The following RBFOX1 variants were observed in gnomAD, a reference collection of about 807,000 sequenced individuals.
RBFOX1 encodes RNA binding protein fox-1 homolog 1.
Under a neutral mutation model 57.7 loss-of-function variants are expected in RBFOX1, and 8 were observed. That is an observed-to-expected ratio of 0.14 (90% CI 0.08 to 0.25). The LOEUF (loss-of-function observed/expected upper bound fraction) is 0.25. Ranked by LOEUF, RBFOX1 falls within the 10% of genes least tolerant of loss-of-function variation. RBFOX1 has a pLI of 1.00. For synonymous variants in RBFOX1, 326 were observed against 222.4 expected (o/e 1.47, Z -4.15); for missense variants, 611 against 548.5 (o/e 1.11, Z -1.14).
chr16:5,326,095 A>AAG lies in RBFOX1; in HGVS notation c.219+85990_219+85991insAG, dbSNP rs549359844. ...TCAGACAGCAGTGTATGAGAGTTCC[A>AAG]GTTGCTCCACATCCTTGTCAGCACT... On this transcript the variant is annotated intron_variant, in intron 1 of 2. Coordinates refer to the RBFOX1 transcript ENST00000585867. Among the ~76,000 whole-genome samples the AAG allele has an allele frequency of 7.5e-3, 1,137 of 152,328 alleles. 8 individuals are homozygous for AAG. The highest frequency in any genetic ancestry group is 0.017 in the Middle Eastern group (5 of 294).
At chr16:7,392,493 C>T (rs17648389) in intron 4 of RBFOX1, among the ~76,000 whole-genome samples, 13,527 of 152,166 alleles carry the variant, frequency 0.089, 873 homozygotes, top group Non-Finnish European at 0.14. Context: ...TATGGTCCTA[C>T]CAAAACCAGT....
At chr16:7,159,565 G>A (rs1047394810) in intron 4 of RBFOX1, among the ~76,000 whole-genome samples, 1 of 152,122 alleles carries the variant, frequency 6.6e-6, no homozygotes, top group East Asian at 1.9e-4. Flanking sequence ...TTGAACATGA[G>A]TCCCCAGCCA....
chr16:5,982,011 G>T (rs1336486429), intron 4 of RBFOX1, among the ~76,000 whole-genome samples: 1 of 152,166 alleles, frequency 6.6e-6, no homozygotes, highest in African/African-American at 2.4e-5. Flanking sequence ...TGTTATCCAA[G>T]GAGTCTATGC....
chr16:7,330,893 C>T (rs2096682130), intron 4 of RBFOX1, among the ~76,000 whole-genome samples: 2 of 152,090 alleles, frequency 1.3e-5, no homozygotes, highest in Non-Finnish European at 1.5e-5. Context: ...TCTGTCCTCC[C>T]CGGTAACTTC....
At chr16:7,538,842 C>T (rs1412609520) in intron 5 of RBFOX1, among the ~76,000 whole-genome samples, 1 of 149,034 alleles carries the variant, frequency 6.7e-6, no homozygotes, top group Non-Finnish European at 1.5e-5. Context: ...CACATCTCCT[C>T]CCCCGCACCC....
chr16:6,253,065 C>G (rs1399976570), intron 1 of RBFOX1, among the ~76,000 whole-genome samples: 1 of 152,074 alleles, frequency 6.6e-6, no homozygotes, highest in Non-Finnish European at 1.5e-5. Flanking sequence ...GGGACATAAC[C>G]CTGCCATCTC....
chr16:6,311,859 C>A (rs1182196406), intron 1 of RBFOX1, among the ~76,000 whole-genome samples: 1 of 152,138 alleles, frequency 6.6e-6, no homozygotes, highest in Non-Finnish European at 1.5e-5. Flanking sequence ...GTGATGGGCA[C>A]TAACCTCTCT....
At chr16:7,136,223 A>G (rs968086977) in intron 4 of RBFOX1, among the ~76,000 whole-genome samples, 2 of 152,100 alleles carry the variant, frequency 1.3e-5, no homozygotes. Context: ...GTTCGTCCAT[A>G]TGGTAGCCAG....
chr16:7,458,658 T>G (rs1315882789), intron 4 of RBFOX1, among the ~76,000 whole-genome samples: 1 of 152,172 alleles, frequency 6.6e-6, no homozygotes, highest in Non-Finnish European at 1.5e-5. Flanking sequence ...GACCACTATG[T>G]CTTTTGTCTA....
At chr16:6,867,535 A>G (rs2060152016) in intron 3 of RBFOX1, among the ~76,000 whole-genome samples, 4 of 152,122 alleles carry the variant, frequency 2.6e-5, no homozygotes, top group Admixed American at 2.6e-4. Context: ...CCTGGCCAAC[A>G]TGGCAAAACC....
chr16:7,416,994 T>C (rs970185029), intron 4 of RBFOX1, among the ~76,000 whole-genome samples: 1 of 152,142 alleles, frequency 6.6e-6, no homozygotes, highest in Non-Finnish European at 1.5e-5. Flanking sequence ...GAGATTCCAG[T>C]GTGGGGCTCG....
rs184244704 is a variant in RBFOX1 at position 6,308,519 on chromosome 16, G to C, written c.-126-8476G>C. Among the ~76,000 whole-genome samples, 3 of 152,336 alleles carry C rather than the reference G, an allele frequency of 2.0e-5. No individual in the cohort carries two copies. In the East Asian group the frequency reaches 5.8e-4, roughly 29 times the overall value. ...ACTGGTGGACCCTAGTTTGCTGAGT[G>C]ACAGGGTTGCCTGCACTTGAACATC... On this transcript the variant is annotated intron_variant, in intron 1 of 15. Coordinates refer to ENST00000550418, the MANE Select transcript of RBFOX1 (RefSeq NM_018723.4).
At chr16:6,487,644 T>A (rs1234006774) in intron 2 of RBFOX1, among the ~76,000 whole-genome samples, 1 of 136,750 alleles carries the variant, frequency 7.3e-6, no homozygotes, top group African/African-American at 2.8e-5. Context: ...ACTAGTGTTT[T>A]CAGCTTCCAA....
At chr16:7,373,582 A>C (rs996422140) in intron 4 of RBFOX1, among the ~76,000 whole-genome samples, 13 of 152,214 alleles carry the variant, frequency 8.5e-5, no homozygotes, top group African/African-American at 2.7e-4. Flanking sequence ...ATCTTTAATA[A>C]GGTCCACAGC....
intron 1 of RBFOX1, among the ~76,000 whole-genome samples, chr16:6,193,910 A>C (rs1306312081): frequency 6.6e-6 from 1 of 151,952 alleles, no homozygotes; most frequent in Non-Finnish European, 1.5e-5. Flanking sequence ...CTGTGTTCAC[A>C]CCTAAGCGAA....
chr16:5,820,823 C>G (rs2151803115), intron 3 of RBFOX1, among the ~76,000 whole-genome samples: 1 of 152,334 alleles, frequency 6.6e-6, no homozygotes, highest in East Asian at 1.9e-4. Context: ...CCAGCCCTCT[C>G]TTTGACAGCA....
At position 7,018,248 on chromosome 16, in the gene RBFOX1, G is replaced by T. The variant is rs182271216; in HGVS notation, c.-15-33809G>T. 2.0e-3 allele frequency among the ~76,000 whole-genome samples: 303 copies of T among 152,166 alleles called. 2 individuals are homozygous for T. In the Middle Eastern group the frequency reaches 0.02, roughly 10 times the overall value. Reference sequence around the variant, plus strand: ...CATTCTCTACTGGCTTGCATTCTAGGTGTTTCCTCCAGCTTCTCCTTATGC... The same window carrying T: ...CATTCTCTACTGGCTTGCATTCTAGTTGTTTCCTCCAGCTTCTCCTTATGC... On this transcript the variant is annotated intron_variant, in intron 3 of 15. Transcript: ENST00000550418.
chr16:5,517,089 A>G (rs1487398869), intron 2 of RBFOX1, among the ~76,000 whole-genome samples: 2 of 151,640 alleles, frequency 1.3e-5, no homozygotes, highest in Non-Finnish European at 2.9e-5. Context: ...GAAGACCTCC[A>G]GTGGTTGGAG....
chr16:5,594,458 C>A (rs147737778), intron 2 of RBFOX1, among the ~76,000 whole-genome samples: 1 of 152,088 alleles, frequency 6.6e-6, no homozygotes, highest in Non-Finnish European at 1.5e-5. Flanking sequence ...AAGGTCAGAG[C>A]ATAGTTTGAT....
Sources: allele counts gnomAD v4.1 joint callset (sites outside exome capture counted in the v4.1 genomes callset), GRCh38; gene constraint gnomAD v4.1.1; transcripts MANE v1.5; gene names NCBI Gene and HGNC (gene_info 2026-07-23, HGNC 2026-07-21).